LRRC75B: variants seen among roughly 807,000 people sequenced by gnomAD.
LRRC75B encodes leucine rich repeat containing 75B.
LRRC75B carries 20 observed loss-of-function variants against 16.5 expected under a neutral mutation model. The observed-to-expected ratio is 1.21, with a 90% confidence interval of 0.85 to 1.76. The LOEUF (loss-of-function observed/expected upper bound fraction) is 1.76. Among genes scored for constraint, LRRC75B ranks in the 40% most tolerant of loss-of-function variants. LRRC75B has a pLI of 0.00. For synonymous variants in LRRC75B, 199 were observed against 198.1 expected (o/e 1.00, Z -0.04); for missense variants, 406 against 417.0 (o/e 0.97, Z 0.23).
At chr22:24,589,706 A>G (rs2045510744) in intron 2 of LRRC75B, 115 bp downstream of exon 2, 1 of 1,236,382 alleles carries the variant, frequency 8.1e-7, no homozygotes, top group Non-Finnish European at 1.1e-6. Flanking sequence ...TGACTTGCCT[A>G]AGGCCACACA....
intron 2 of LRRC75B, chr22:24,589,192 C>T: frequency 8.3e-7 from 1 of 1,200,764 alleles, no homozygotes. Context: ...CTGGTCACAG[C>T]CACACATCCT....
chr22:24,592,892 C>A lies in LRRC75B; in HGVS notation c.148G>T (p.Ala50Ser), dbSNP rs1219162196. Residue 50 changes from alanine to serine, a missense_variant, in exon 1 of 4, where the codon GCC becomes TCC. Coordinates refer to ENST00000318753, the MANE Select transcript of LRRC75B (RefSeq NM_207644.3). ...STLRERRPER[A>S]RQLLRLLRQD... ...CGCAGGAGGCGCAGCAGCTGCCGGGCGCGCTCCGGCCGCCGCTCGCGGAGC... is the reference window on the plus strand; with the variant it reads ...CGCAGGAGGCGCAGCAGCTGCCGGGAGCGCTCCGGCCGCCGCTCGCGGAGC... 3.9e-6 allele frequency: 5 copies of A among 1,279,876 alleles called. No homozygotes were observed. The African/African-American group carries it at 4.7e-5, about 12-fold the overall frequency. The allele number at this position is 1,279,876 out of a possible 1,614,324, so 79.3% of individuals were successfully genotyped here. A position where few individuals can be genotyped will look rare whatever the true frequency, so the allele number is the denominator to read the frequency against.
chr22:24,587,856 G>A (rs191561496), intron 3 of LRRC75B, among the ~76,000 whole-genome samples: 17 of 151,978 alleles, frequency 1.1e-4, no homozygotes, highest in African/African-American at 2.4e-4. Context: ...TGCCTCCCCC[G>A]CAACCTGTTG....
intron 2 of LRRC75B, 145 bp from the exon 3 acceptor site, chr22:24,588,474 C>T (rs1016061756): frequency 1.0e-5 from 8 of 771,742 alleles, no homozygotes; most frequent in African/African-American, 6.9e-5. Context: ...GGGCCTCCCC[C>T]TCCTACCCCC....
chr22:24,587,772 G>C (rs1030891835), intron 3 of LRRC75B, among the ~76,000 whole-genome samples: 1 of 152,226 alleles, frequency 6.6e-6, no homozygotes, highest in Admixed American at 6.5e-5. Flanking sequence ...AATCAGGGTA[G>C]AGTGTGGCCT....
chr22:24,589,855 AC>A lies in LRRC75B; in HGVS notation c.271del (p.Val91Ter), dbSNP rs776580743. Reference sequence around the variant, plus strand: ...GCACTGCAGGTCCCGGGCCAGGTTCACAAGCAGGTCATGGGAGATGGGGTCG... The same window carrying A: ...GCACTGCAGGTCCCGGGCCAGGTTCAAAGCAGGTCATGGGAGATGGGGTCG... ...PVDPISHDLL[V>X]NLARDLQCPK... On this transcript the variant is annotated frameshift_variant, in exon 2 of 4. Coordinates refer to ENST00000318753, the MANE Select transcript of LRRC75B (RefSeq NM_207644.3). LOFTEE classifies it high-confidence loss of function. 2 of 1,613,640 alleles carry A rather than the reference AC, an allele frequency of 1.2e-6. No homozygotes were observed. The highest frequency in any genetic ancestry group is 1.7e-5 in the Admixed American group (1 of 59,934).
chr22:24,592,921 G>C lies in LRRC75B; in HGVS notation c.119C>G (p.Ser40Cys). ...CTCCGGCCGCCGCTCGCGGAGCGTG[G>C]ACTGGATCTCGCGGAGCCACCGCAC... is the stretch of plus-strand genomic sequence containing the variant. Reference protein sequence around the residue: ...RRVRWLREIQSTLRERRPERA... With the variant: ...RRVRWLREIQCTLRERRPERA... The change falls in exon 1 of 4, where the codon TCC (serine) becomes TGC (cysteine). Residue 40 changes from serine to cysteine, a missense_variant. Ser to Cys is a moderately radical substitution (Grantham distance 112). Transcript: ENST00000318753. 1 of 1,264,398 alleles carries C rather than the reference G, an allele frequency of 7.9e-7. No homozygotes were observed. Among genetic ancestry groups the C allele is most frequent in the Non-Finnish European group, 1.0e-6 (1 of 1,003,306 alleles). The allele number at this position is 1,264,398 out of a possible 1,614,324, so 78.3% of individuals were successfully genotyped here. A position where few individuals can be genotyped will look rare whatever the true frequency, so the allele number is the denominator to read the frequency against.
chr22:24,586,037 C>T lies in LRRC75B; in HGVS notation c.797G>A (p.Arg266Gln), dbSNP rs199729018. The T allele has an allele frequency of 2.2e-3, 3,613 of 1,611,276 alleles. 15 individuals are homozygous for T. The highest frequency in any genetic ancestry group is 4.1e-3 in the South Asian group (375 of 91,074). The change falls in exon 4 of 4, where the codon CGG becomes CAG. Residue 266 changes from arginine (R) to glutamine (Q), a missense_variant. By Grantham distance (43) the Arg-to-Gln change is conservative. Coordinates refer to ENST00000318753, the MANE Select transcript of LRRC75B (RefSeq NM_207644.3). The stretch of plus-strand genomic sequence containing the variant: ...GGGGAGTGAGGTGCGCTGGCTCAGC[C>T]GCCGGCGCAGGCCGACCAGCAGGGG... ...PQPLLVGLRR[R>Q]LSQRTSLPTI...
intron 3 of LRRC75B, among the ~76,000 whole-genome samples, chr22:24,587,986 C>T (rs1255288351): frequency 2.6e-5 from 4 of 152,152 alleles, no homozygotes; most frequent in Non-Finnish European, 5.9e-5. Context: ...GAGGCAGGAC[C>T]GTCCTGTGGG....
chr22:24,592,701 C>G, intron 1 of LRRC75B, 162 bp downstream of exon 1: 1 of 1,237,916 alleles, frequency 8.1e-7, no homozygotes, highest in East Asian at 3.3e-5. Flanking sequence ...CGTGCTGCAG[C>G]CTGTCGCGCC....
At chr22:24,587,973 C>T (rs1264141663) in intron 3 of LRRC75B, among the ~76,000 whole-genome samples, 1 of 152,140 alleles carries the variant, frequency 6.6e-6, no homozygotes, top group Non-Finnish European at 1.5e-5. Flanking sequence ...GTATGAATGG[C>T]AGGAGGCAGG....
chr22:24,585,942 A>G lies in LRRC75B; in HGVS notation c.892T>C (p.Trp298Arg). 6.2e-7 allele frequency: 1 copy of G among 1,609,096 alleles called. No homozygotes were observed. The highest frequency in any genetic ancestry group is 8.5e-7 in the Non-Finnish European group (1 of 1,179,342). The part of the protein sequence containing the change: ...AAGATTPAST[W>R]DSTAAGLGPE... ...CCCAGCCCAGCAGCTGTGGAGTCCC[A>G]GGTGGAGGCAGGGGTGGTGGCCCCG... Residue 298 changes from tryptophan (W) to arginine (R), a missense_variant, in exon 4 of 4, where the codon TGG becomes CGG. Transcript: ENST00000318753.
At chr22:24,588,503 G>T in intron 2 of LRRC75B, 174 bp from the exon 3 acceptor site, 1 of 756,048 alleles carries the variant, frequency 1.3e-6, no homozygotes, top group Non-Finnish European at 2.1e-6. Context: ...CTGTGGCCTG[G>T]CACAGAGCCA....
chr22:24,588,299 T>C lies in LRRC75B; in HGVS notation c.337A>G (p.Ile113Val). The C allele has an allele frequency of 6.2e-7, 1 of 1,613,474 alleles. No homozygotes were observed. Among genetic ancestry groups the C allele is most frequent in the Non-Finnish European group, 8.5e-7 (1 of 1,179,898 alleles). ...AGGTGGTAGATGAGCTGTCGGCAGATCTTGTCCGAGGACTTCCAGAGCTCA... is the reference window on the plus strand; with the variant it reads ...AGGTGGTAGATGAGCTGTCGGCAGACCTTGTCCGAGGACTTCCAGAGCTCA... ...DYELWKSSDK[I>V]CRQLIYHLTP... Residue 113 changes from isoleucine to valine, a missense_variant, in exon 3 of 4, where the codon ATC becomes GTC. Coordinates refer to ENST00000318753, the MANE Select transcript of LRRC75B (RefSeq NM_207644.3).
rs201281973 is a variant in LRRC75B, at chr22:24,588,293, G to A, written c.343C>T (p.Arg115Ter). 2.2e-4 allele frequency: 351 copies of A among 1,613,524 alleles called. 1 individual carries two copies. The highest frequency in any genetic ancestry group is 1.5e-3 in the African/African-American group (111 of 75,020). ...GGGGTGAGGTGGTAGATGAGCTGTC[G>A]GCAGATCTTGTCCGAGGACTTCCAG... is the stretch of plus-strand genomic sequence containing the variant. ...ELWKSSDKIC[R>*]QLIYHLTPHS... Residue 115 changes from arginine (R) to a stop codon, truncating the protein, a stop_gained, in exon 3 of 4, where the codon CGA becomes TGA. Transcript: ENST00000318753. LOFTEE classifies it high-confidence loss of function.
chr22:24,587,159 G>A (rs946497322), intron 3 of LRRC75B, among the ~76,000 whole-genome samples: 4 of 152,174 alleles, frequency 2.6e-5, no homozygotes, highest in Non-Finnish European at 5.9e-5. Context: ...TTCTTTTAGG[G>A]TAGGGAGAAA....
At position 24,586,135 on chromosome 22, in the gene LRRC75B, C is replaced by T; in HGVS notation, c.699G>A (p.Lys233=). ...CCAAAGCAGGGAACTTGGTGGTGTCCTTGATGGCATCAGTGAGCTTGCGGG... is the reference window on the plus strand; with the variant it reads ...CCAAAGCAGGGAACTTGGTGGTGTCTTTGATGGCATCAGTGAGCTTGCGGG... ...ATARKLTDAI[K]DTTKFPALAW... is the part of the protein sequence containing the mutation. Residue 233 remains lysine (K), a synonymous_variant, in exon 4 of 4, where the codon AAG becomes AAA. Transcript: ENST00000318753. 6.2e-7 allele frequency: 1 copy of T among 1,613,342 alleles called. No individual in the cohort carries two copies. The highest frequency in any genetic ancestry group is 1.7e-5 in the Admixed American group (1 of 60,030).
At chr22:24,591,412 G>T (rs1057348446) in intron 1 of LRRC75B, among the ~76,000 whole-genome samples, 1 of 152,238 alleles carries the variant, frequency 6.6e-6, no homozygotes, top group East Asian at 1.9e-4. Context: ...TTTGAGAGCT[G>T]ATGGGGCAGC....
chr22:24,592,239 C>T (rs2045590746), intron 1 of LRRC75B: 1 of 458,548 alleles, frequency 2.2e-6, no homozygotes, highest in Admixed American at 2.4e-5. Flanking sequence ...GGAGCAGAGC[C>T]ACCACCGGAC....
Sources: allele counts gnomAD v4.1 joint callset (sites outside exome capture counted in the v4.1 genomes callset), GRCh38; gene constraint gnomAD v4.1.1; transcripts MANE v1.5; gene names NCBI Gene and HGNC (gene_info 2026-07-23, HGNC 2026-07-21).